The following LYPD6B variants were observed in gnomAD, a reference collection of about 807,000 sequenced individuals.
LYPD6B encodes the protein ly6/PLAUR domain-containing protein 6B.
LYPD6B carries 17 observed loss-of-function variants against 22.8 expected under a neutral mutation model. The observed-to-expected ratio is 0.75, with a 90% CI of 0.51 to 1.12. The LOEUF (loss-of-function observed/expected upper bound fraction) is 1.12, where lower values mean the gene tolerates loss of function less well. LYPD6B is among the 50% of genes most tolerant of loss of function. The pLI is 0.00. For missense variants in LYPD6B, 221 were observed against 258.3 expected, an observed-to-expected ratio of 0.86 and a Z score of 0.99; for synonymous variants, 106 against 91.6, an observed-to-expected ratio of 1.16 and a Z score of -0.90.
chr2:149,089,985 C>A (rs1685576695), intron 1 of LYPD6B, among the ~76,000 whole-genome samples: 1 of 152,182 alleles, frequency 6.6e-6, no homozygotes, highest in Non-Finnish European at 1.5e-5. Flanking sequence ...TCACGTTCTT[C>A]CTCTATTAAA....
chr2:149,159,926 T>A (rs1184131377), intron 2 of LYPD6B, among the ~76,000 whole-genome samples: 6 of 152,120 alleles, frequency 3.9e-5, no homozygotes, highest in Non-Finnish European at 1.5e-5. Context: ...AAAAATACCT[T>A]CTTGGCATGG....
intron 1 of LYPD6B, among the ~76,000 whole-genome samples, chr2:149,044,124 CATATGAATTCT>C (rs1683205825): frequency 6.6e-6 from 1 of 151,940 alleles, no homozygotes; most frequent in African/African-American, 2.4e-5. Context: ...TTTGCCTTTC[CATATGAATTCT>C]AGAATTAGTT....
At chr2:149,101,813 A>T (rs1417111316) in intron 1 of LYPD6B, among the ~76,000 whole-genome samples, 2 of 152,234 alleles carry the variant, frequency 1.3e-5, no homozygotes, top group African/African-American at 4.8e-5. Flanking sequence ...GCTCAGAAAG[A>T]CAGGCTCTCA....
intron 3 of LYPD6B, among the ~76,000 whole-genome samples, chr2:149,163,832 T>A (rs542963476): frequency 5.3e-5 from 8 of 152,272 alleles, no homozygotes; most frequent in Non-Finnish European, 1.2e-4. Context: ...AACAATTGGG[T>A]CTATGAAATA....
intron 3 of LYPD6B, among the ~76,000 whole-genome samples, chr2:149,174,318 G>A (rs1037282998): frequency 6.6e-6 from 1 of 152,168 alleles, no homozygotes; most frequent in African/African-American, 2.4e-5. Context: ...AAAGGATTGT[G>A]TCATCTGCCA....
At chr2:149,182,733 G>T (rs1314516065) in intron 3 of LYPD6B, among the ~76,000 whole-genome samples, 1 of 152,154 alleles carries the variant, frequency 6.6e-6, no homozygotes, top group Non-Finnish European at 1.5e-5. Flanking sequence ...AGACTGTCAG[G>T]ATATACTGTT....
chr2:149,093,907 T>C (rs80121325), intron 1 of LYPD6B, among the ~76,000 whole-genome samples: 110 of 152,338 alleles, frequency 7.2e-4, no homozygotes, highest in Non-Finnish European at 1.4e-3. Context: ...GTAATTCTTA[T>C]TAACACTTTG....
At chr2:149,102,796 AT>A (rs1408694673) in intron 1 of LYPD6B, among the ~76,000 whole-genome samples, 9 of 151,992 alleles carry the variant, frequency 5.9e-5, no homozygotes, top group African/African-American at 1.9e-4. Flanking sequence ...TACCTGGCTT[AT>A]TTTTGTATTT....
At chr2:149,106,976 A>G (rs183356585) in intron 1 of LYPD6B, among the ~76,000 whole-genome samples, 55 of 152,182 alleles carry the variant, frequency 3.6e-4, no homozygotes, top group African/African-American at 1.3e-3. Context: ...GAAACCATGG[A>G]TAGTGCGGAA....
intron 2 of LYPD6B, among the ~76,000 whole-genome samples, chr2:149,148,042 T>A (rs1689144811): frequency 6.6e-6 from 1 of 152,094 alleles, no homozygotes; most frequent in African/African-American, 2.4e-5. Context: ...AACAAGTTTC[T>A]CTTGACCCAT....
intron 1 of LYPD6B, among the ~76,000 whole-genome samples, chr2:149,062,602 T>C (rs1054275595): frequency 6.6e-6 from 1 of 152,202 alleles, no homozygotes; most frequent in African/African-American, 2.4e-5. Flanking sequence ...GTGATGATTT[T>C]TTTTTTCTTA....
At chr2:149,213,284 A>G (rs1693993338) in intron 6 of LYPD6B, among the ~76,000 whole-genome samples, 162 bp downstream of exon 6, 1 of 152,210 alleles carries the variant, frequency 6.6e-6, no homozygotes, top group Non-Finnish European at 1.5e-5. Context: ...CAGACTCCAT[A>G]CAAAGGTAAA....
At chr2:149,040,017 G>A (rs1180362894) in intron 1 of LYPD6B, among the ~76,000 whole-genome samples, 1 of 152,138 alleles carries the variant, frequency 6.6e-6, no homozygotes, top group African/African-American at 2.4e-5. Context: ...GCTCATACAA[G>A]GTTCCAGGGC....
At chr2:149,136,870 G>A (rs1376044443) in intron 2 of LYPD6B, among the ~76,000 whole-genome samples, 2 of 152,216 alleles carry the variant, frequency 1.3e-5, no homozygotes, top group South Asian at 2.1e-4. Flanking sequence ...GTTGCTGAAG[G>A]AAAGAAGATT....
chr2:149,194,684 T>C (rs549542884), intron 3 of LYPD6B, among the ~76,000 whole-genome samples: 1 of 152,264 alleles, frequency 6.6e-6, no homozygotes, highest in East Asian at 1.9e-4. Context: ...TGTCTTTCCA[T>C]CTGCCAGTCT....
At chr2:149,117,694 G>C (rs959921794) in intron 1 of LYPD6B, among the ~76,000 whole-genome samples, 1 of 152,016 alleles carries the variant, frequency 6.6e-6, no homozygotes, top group African/African-American at 2.4e-5. Flanking sequence ...CATGTTCTTT[G>C]GGTTATGTAG....
At chr2:149,196,813 T>G (rs1692839304) in intron 3 of LYPD6B, among the ~76,000 whole-genome samples, 3 of 152,236 alleles carry the variant, frequency 2.0e-5, no homozygotes, top group Non-Finnish European at 4.4e-5. Flanking sequence ...TTACGATCAT[T>G]TTTCTATGTC....
chr2:149,123,045 G>A (rs1009346473), intron 1 of LYPD6B, among the ~76,000 whole-genome samples: 1 of 152,134 alleles, frequency 6.6e-6, no homozygotes, highest in Non-Finnish European at 1.5e-5. Context: ...CATTCAAAGA[G>A]CAAATGCCCA....
At chr2:149,065,960 C>A (rs1254914837) in intron 1 of LYPD6B, among the ~76,000 whole-genome samples, 1 of 152,122 alleles carries the variant, frequency 6.6e-6, no homozygotes, top group Non-Finnish European at 1.5e-5. Context: ...GATCTGCCCA[C>A]CTTGGCTTCC....
Sources: gnomAD v4.1 joint callset for allele counts (sites outside exome capture counted in the v4.1 genomes callset) on GRCh38, gnomAD v4.1.1 for gene constraint, MANE v1.5 for transcripts, NCBI Gene and HGNC (gene_info 2026-07-23, HGNC 2026-07-21) for gene names.